The following PHF3 variants were observed in gnomAD, a reference collection of about 807,000 sequenced individuals.
PHF3 encodes the protein PHD finger protein 3.
PHF3 carries 41 observed loss-of-function variants against 178.4 expected under a neutral mutation model. The observed-to-expected ratio is 0.23, with a 90% confidence interval of 0.18 to 0.30. The LOEUF is 0.30. PHF3 is among the 10% of genes least tolerant of loss of function. PHF3 has a pLI of 1.00. For synonymous variants in PHF3, 842 were observed against 800.5 expected, an observed-to-expected ratio of 1.05 and a Z score of -0.88; for missense variants, 2,346 against 2,398.1, an observed-to-expected ratio of 0.98 and a Z score of 0.45.
At chr6:63,691,603 A>G in intron 4 of PHF3, 134 bp from the exon 5 acceptor site, 4 of 728,362 alleles carry the variant, frequency 5.5e-6, no homozygotes, top group South Asian at 3.9e-5. Context: ...TGTTGAACTT[A>G]TGGAACGGAT....
At chr6:63,645,571 GCCCAGGAT>G (rs1764749465) in intron 1 of PHF3, among the ~76,000 whole-genome samples, 1 of 152,072 alleles carries the variant, frequency 6.6e-6, no homozygotes, top group African/African-American at 2.4e-5. Context: ...GAATTAAGGA[GCCCAGGAT>G]GTTATAGGTT....
rs750092459 is a variant in PHF3 at position 63,685,930 on chromosome 6, A to G, written c.2189+19A>G. 3 of 1,545,572 alleles carry G rather than the reference A, an allele frequency of 1.9e-6. No individual in the cohort carries two copies. Among genetic ancestry groups the G allele is most frequent in the African/African-American group, 1.4e-5 (1 of 72,728 alleles). ...GCAACAGGTGTGTGTGTATGTGTGT[A>G]TGAGTGATGTGTACATTGAAAATAA... On this transcript the variant is annotated intron_variant, in intron 4 of 15. Coordinates refer to ENST00000262043, the MANE Select transcript of PHF3 (RefSeq NM_001370348.2).
intron 5 of PHF3, among the ~76,000 whole-genome samples, chr6:63,692,630 A>C (rs1014304639): frequency 6.6e-6 from 1 of 152,206 alleles, no homozygotes; most frequent in African/African-American, 2.4e-5. Flanking sequence ...GTGGCAACAC[A>C]TGTATGTGGT....
At chr6:63,694,863 T>A in intron 6 of PHF3, 99 bp downstream of exon 6, 1 of 670,084 alleles carries the variant, frequency 1.5e-6, no homozygotes, top group Non-Finnish European at 2.1e-6. Flanking sequence ...AAATTTAACA[T>A]TATTAAATGT....
chr6:63,698,906 A>G (rs1767351355), intron 8 of PHF3, among the ~76,000 whole-genome samples: 1 of 152,144 alleles, frequency 6.6e-6, no homozygotes, highest in Admixed American at 6.5e-5. Flanking sequence ...TTCTTCAAAA[A>G]CTTTTAAGCT....
Position 63,711,637 on chromosome 6 carries a change from A to C in PHF3, c.4049A>C (p.Lys1350Thr). ...NLLLGLIIRQ[K>T]LKRQHSACAS... ...TTGTTGGGCTTAATTATTCGTCAGA[A>C]ACTGAAGCGACAGCACAGTGCCTGT... The change falls in exon 16 of 16, where the codon AAA becomes ACA. Residue 1350 changes from lysine (K) to threonine (T), a missense_variant. Transcript: ENST00000262043. The C allele has an allele frequency of 6.2e-7, 1 of 1,603,750 alleles. No individual in the cohort carries two copies.
chr6:63,645,469 C>G (rs748929039), intron 1 of PHF3, among the ~76,000 whole-genome samples: 18 of 152,110 alleles, frequency 1.2e-4, no homozygotes, highest in Non-Finnish European at 2.4e-4. Context: ...TAGCATGTAT[C>G]TGAAATTCTT....
rs2149628040 is a variant in PHF3, at chr6:63,723,619, G to A, written c.*9911G>A. Among the ~76,000 whole-genome samples, 1 of 152,030 alleles carries A rather than the reference G, an allele frequency of 6.6e-6. No homozygotes were observed. The highest frequency in any genetic ancestry group is 1.9e-4 in the East Asian group (1 of 5,190). On this transcript the variant is annotated 3_prime_UTR_variant, in exon 16 of 16. Coordinates refer to ENST00000262043, the MANE Select transcript of PHF3 (RefSeq NM_001370348.2). ...AAAGAGCAAGGATAGCTTCTGCGAA[G>A]AAAGGATTATTTTAACTCAGCTAGT...
intron 2 of PHF3, among the ~76,000 whole-genome samples, chr6:63,656,314 A>G (rs1163150903): frequency 1.3e-5 from 2 of 152,224 alleles, no homozygotes; most frequent in Non-Finnish European, 2.9e-5. Context: ...ATGTGAAATA[A>G]AATTAATCTT....
intron 5 of PHF3, among the ~76,000 whole-genome samples, chr6:63,692,436 C>G (rs1340986687): frequency 6.6e-6 from 1 of 152,082 alleles, no homozygotes; most frequent in Non-Finnish European, 1.5e-5. Context: ...TTTTGACTAC[C>G]TTCTGAAAGT....
rs1322985692 is a variant in PHF3, at chr6:63,684,945, A to G, written c.1223A>G (p.Asn408Ser). The G allele has an allele frequency of 1.2e-5, 20 of 1,613,976 alleles. No individual in the cohort carries two copies. The Admixed American group carries it at 3.0e-4, about 24-fold the overall frequency. ...PLGYCEDAES[N>S]RQLESTEFNK... ...GGTTATTGTGAAGATGCGGAGTCTA[A>G]TAGGCAGTTGGAGAGCACTGAGTTT... The change falls in exon 4 of 16, where the codon AAT becomes AGT. Residue 408 changes from asparagine to serine, a missense_variant. Asn to Ser is a conservative substitution (Grantham distance 46). Around this residue, in one of 8 missense-constraint regions of PHF3, gnomAD observed 843 missense variants for 795.2 expected, o/e 1.06. Coordinates refer to ENST00000262043, the MANE Select transcript of PHF3 (RefSeq NM_001370348.2).
At chr6:63,690,395 A>G (rs1434102354) in intron 4 of PHF3, among the ~76,000 whole-genome samples, 1 of 152,192 alleles carries the variant, frequency 6.6e-6, no homozygotes, top group Non-Finnish European at 1.5e-5. Context: ...TAGGCACATG[A>G]GGAAGAAGAA....
intron 8 of PHF3, among the ~76,000 whole-genome samples, chr6:63,699,249 C>G (rs1206146995): frequency 1.3e-5 from 2 of 152,086 alleles, no homozygotes; most frequent in African/African-American, 4.8e-5. Context: ...GTACAATAAG[C>G]AAAAATCATG....
chr6:63,636,027 C>CGACGTCCTGCGCG lies in PHF3; in HGVS notation c.-148_-136dup. Reference sequence around the variant, plus strand: ...GGAAAAGAGGCTGTGGCAGCGACGCCGACGTCCTGCGCGTACCCCCTCTCC... The same window carrying CGACGTCCTGCGCG: ...GGAAAAGAGGCTGTGGCAGCGACGCCGACGTCCTGCGCGGACGTCCTGCGCGTACCCCCTCTCC... On this transcript the variant is annotated 5_prime_UTR_variant, in exon 1 of 16. Coordinates refer to ENST00000262043, the MANE Select transcript of PHF3 (RefSeq NM_001370348.2). 1 of 396,348 alleles carries CGACGTCCTGCGCG rather than the reference C, an allele frequency of 2.5e-6. No individual in the cohort carries two copies. The highest frequency in any genetic ancestry group is 4.5e-6 in the Non-Finnish European group (1 of 224,698). 24.6% of individuals were successfully genotyped at this position (396,348 alleles called of 1,614,324 possible).
chr6:63,695,279 T>C (rs114872662), intron 6 of PHF3, among the ~76,000 whole-genome samples: 1 of 152,216 alleles, frequency 6.6e-6, no homozygotes, highest in African/African-American at 2.4e-5. Flanking sequence ...TGTAGAGTGA[T>C]TAGAAGGTAA....
intron 2 of PHF3, 162 bp from the exon 3 acceptor site, chr6:63,679,838 T>A: frequency 1.5e-6 from 1 of 679,084 alleles, no homozygotes; most frequent in Non-Finnish European, 2.7e-6. Flanking sequence ...GATTTGGGAG[T>A]TTGGTAGTGG....
chr6:63,678,546 T>C (rs1766285611), intron 2 of PHF3, among the ~76,000 whole-genome samples: 1 of 152,112 alleles, frequency 6.6e-6, no homozygotes, highest in Non-Finnish European at 1.5e-5. Flanking sequence ...TTACTGTGTA[T>C]GATTACTGGT....
At chr6:63,694,345 C>A (rs150019696) in intron 5 of PHF3, among the ~76,000 whole-genome samples, 2 of 152,096 alleles carry the variant, frequency 1.3e-5, no homozygotes, top group African/African-American at 4.8e-5. Flanking sequence ...TAAGAGAATT[C>A]TTACTACCTT....
intron 2 of PHF3, among the ~76,000 whole-genome samples, chr6:63,668,495 G>A (rs895007046): frequency 1.3e-5 from 2 of 151,958 alleles, no homozygotes; most frequent in Non-Finnish European, 2.9e-5. Context: ...CATCATACCT[G>A]CTAATTTATT....
Sources: gnomAD v4.1 joint callset for allele counts (sites outside exome capture counted in the v4.1 genomes callset) on GRCh38, gnomAD v4.1.1 for gene constraint, gnomAD v4.1.1 regional missense constraint, MANE v1.5 for transcripts, NCBI Gene and HGNC (gene_info 2026-07-23, HGNC 2026-07-21) for gene names.